The following PTPRD variants were observed in gnomAD, a reference collection of about 807,000 sequenced individuals.
PTPRD encodes receptor-type tyrosine-protein phosphatase delta.
In PTPRD, 34 loss-of-function variants were observed where a neutral mutation model predicts 214.5. The observed-to-expected ratio is 0.16, with a 90% CI of 0.12 to 0.21. PTPRD has a LOEUF of 0.21. Among genes scored for constraint, PTPRD ranks in the 10% least tolerant of loss-of-function variants. PTPRD has a pLI of 1.00. For synonymous variants in PTPRD, 1,128 were observed against 845.7 expected (o/e 1.33, Z -5.79); for missense variants, 2,545 against 2,398.7 (o/e 1.06, Z -1.27).
chr9:8,566,915 C>G (rs533979705), intron 14 of PTPRD, among the ~76,000 whole-genome samples: 26 of 152,036 alleles, frequency 1.7e-4, no homozygotes, highest in African/African-American at 5.8e-4. Flanking sequence ...GTTGCTGCTC[C>G]AAGTAAAAAC....
At chr9:8,555,522 T>A (rs550838278) in intron 14 of PTPRD, among the ~76,000 whole-genome samples, 1 of 152,264 alleles carries the variant, frequency 6.6e-6, no homozygotes, top group African/African-American at 2.4e-5. Flanking sequence ...TATTTCCCCA[T>A]GGGTAATTTG....
chr9:9,533,054 C>T (rs545704736), intron 8 of PTPRD, among the ~76,000 whole-genome samples: 7 of 152,144 alleles, frequency 4.6e-5, no homozygotes, highest in Non-Finnish European at 1.0e-4. Context: ...TGGATACAAA[C>T]TCTGGCATGT....
chr9:9,207,132 T>C (rs1261312851), intron 9 of PTPRD, among the ~76,000 whole-genome samples: 1 of 152,070 alleles, frequency 6.6e-6, no homozygotes, highest in Non-Finnish European at 1.5e-5. Context: ...AGAAGTCAAG[T>C]TTGACTCTTA....
intron 9 of PTPRD, among the ~76,000 whole-genome samples, chr9:9,351,687 T>A (rs141371534): frequency 6.6e-6 from 1 of 152,130 alleles, no homozygotes; most frequent in Non-Finnish European, 1.5e-5. Flanking sequence ...TCTTTTCAGT[T>A]AAAAAGGATT....
chr9:10,317,888 G>A (rs1177888277), intron 3 of PTPRD, among the ~76,000 whole-genome samples: 3 of 151,920 alleles, frequency 2.0e-5, no homozygotes, highest in African/African-American at 7.2e-5. Flanking sequence ...ATACTTGATA[G>A]TTAAGGTATC....
At chr9:8,812,107 A>G (rs146760326) in intron 11 of PTPRD, among the ~76,000 whole-genome samples, 36 of 152,336 alleles carry the variant, frequency 2.4e-4, no homozygotes, top group African/African-American at 7.5e-4. Context: ...TGGCACAAAC[A>G]AAAGAGAAAA....
chr9:8,887,309 G>T (rs909006948), intron 11 of PTPRD, among the ~76,000 whole-genome samples: 1 of 152,122 alleles, frequency 6.6e-6, no homozygotes, highest in Admixed American at 6.6e-5. Context: ...GACATGCACA[G>T]ATCATTTTAT....
chr9:9,610,171 A>G (rs2094442880), intron 7 of PTPRD, among the ~76,000 whole-genome samples: 1 of 152,184 alleles, frequency 6.6e-6, no homozygotes, highest in Non-Finnish European at 1.5e-5. Context: ...AGGCTTTTAT[A>G]ATGTAGCGTA....
chr9:8,947,917 T>C (rs547762150), intron 11 of PTPRD, among the ~76,000 whole-genome samples: 2 of 152,188 alleles, frequency 1.3e-5, no homozygotes, highest in East Asian at 1.9e-4. Context: ...ACATCACGAA[T>C]TGGTATTACT....
chr9:9,017,452 G>A (rs140019155), intron 11 of PTPRD, among the ~76,000 whole-genome samples: 3,913 of 152,146 alleles, frequency 0.026, 76 homozygotes, highest in Middle Eastern at 0.044. Context: ...GTCTTTGAAC[G>A]CCGGAGTAAT....
At chr9:9,518,817 C>T (rs1248142066) in intron 8 of PTPRD, among the ~76,000 whole-genome samples, 4 of 151,948 alleles carry the variant, frequency 2.6e-5, no homozygotes, top group Non-Finnish European at 5.9e-5. Flanking sequence ...ACCTAGGAGG[C>T]AGGTAGCTTC....
intron 2 of PTPRD, among the ~76,000 whole-genome samples, chr9:10,564,309 C>T (rs1361079342): frequency 4.0e-5 from 6 of 149,700 alleles, no homozygotes; most frequent in Non-Finnish European, 5.9e-5. Flanking sequence ...GCTGCTGAGT[C>T]CAGCCTCATA....
intron 3 of PTPRD, among the ~76,000 whole-genome samples, chr9:10,200,753 T>A (rs962409309): frequency 2.0e-5 from 3 of 152,138 alleles, no homozygotes; most frequent in Non-Finnish European, 4.4e-5. Flanking sequence ...ATAGCTAAGA[T>A]GCTACTTATT....
chr9:8,516,246 A>AT (rs562216663), intron 21 of PTPRD, among the ~76,000 whole-genome samples: 4 of 152,190 alleles, frequency 2.6e-5, no homozygotes, highest in African/African-American at 7.2e-5. Flanking sequence ...AGCCTACAGT[A>AT]TTTTTTTTCT....
chr9:9,518,856 G>A (rs986500358), intron 8 of PTPRD, among the ~76,000 whole-genome samples: 8 of 151,954 alleles, frequency 5.3e-5, no homozygotes, highest in East Asian at 1.9e-4. Flanking sequence ...TTTATATGAC[G>A]GCTAAAAGAT....
intron 9 of PTPRD, among the ~76,000 whole-genome samples, chr9:9,350,469 G>T (rs566773447): frequency 2.0e-5 from 3 of 152,034 alleles, no homozygotes; most frequent in African/African-American, 2.4e-5. Context: ...TGTGTAATTA[G>T]CTGGGATTCA....
rs115817326 is a variant in PTPRD at position 8,639,913 on chromosome 9, T to G, written c.65-3069A>C. ...GGTATGTGTCTCATTTATCTTTATT[T>G]TCTGGTCAGGCATTGAAGTTTTTTG... On this transcript the variant is annotated intron_variant, in intron 12 of 45. Coordinates refer to ENST00000381196, the MANE Select transcript of PTPRD (RefSeq NM_002839.4). Among the ~76,000 whole-genome samples, 428 of 152,310 alleles carry G rather than the reference T, an allele frequency of 2.8e-3. 1 individual carries two copies. Among genetic ancestry groups the G allele is most frequent in the Admixed American group, 4.1e-3 (62 of 15,300 alleles).
intron 3 of PTPRD, among the ~76,000 whole-genome samples, chr9:10,044,166 A>G (rs2154145422): frequency 6.6e-6 from 1 of 151,914 alleles, no homozygotes; most frequent in Non-Finnish European, 1.5e-5. Flanking sequence ...GAATGTGTAG[A>G]ATGGATATTC....
intron 5 of PTPRD, among the ~76,000 whole-genome samples, chr9:9,852,444 G>T (rs964367854): frequency 6.6e-6 from 1 of 150,934 alleles, no homozygotes; most frequent in African/African-American, 2.4e-5. Context: ...TGGAGATTAA[G>T]AAAAAAAAGA....
Sources: allele counts gnomAD v4.1 joint callset (sites outside exome capture counted in the v4.1 genomes callset), GRCh38; gene constraint gnomAD v4.1.1; transcripts MANE v1.5; gene names NCBI Gene and HGNC (gene_info 2026-07-23, HGNC 2026-07-21).